Variants in C1QTNF3 observed in about 807,000 individuals in gnomAD.
C1QTNF3 encodes the protein C1q and TNF related 3.
Under a neutral mutation model 32.6 loss-of-function variants are expected in C1QTNF3, and 26 were observed. The observed-to-expected ratio is 0.80, with a 90% CI of 0.58 to 1.11. The LOEUF is 1.11. C1QTNF3 is among the 50% of genes least tolerant of loss of function. The pLI is 0.00. For synonymous variants in C1QTNF3, 155 were observed against 146.0 expected (o/e 1.06, Z -0.44); for missense variants, 362 against 398.2 (o/e 0.91, Z 0.77).
upstream of C1QTNF3, among the ~76,000 whole-genome samples, chr5:34,044,249 A>G (rs999811839): frequency 6.6e-6 from 1 of 152,244 alleles, no homozygotes; most frequent in Non-Finnish European, 1.5e-5. Flanking sequence ...TAATAAATTA[A>G]GAGAATTTAA....
the C1QTNF3 span, among the ~76,000 whole-genome samples, chr5:34,054,892 T>C: frequency 6.6e-6 from 1 of 152,172 alleles, no homozygotes; most frequent in African/African-American, 2.4e-5. Context: ...CACTACTCTC[T>C]GCCATATGTA....
At chr5:34,063,664 C>T in the C1QTNF3 span, among the ~76,000 whole-genome samples, 1,374 of 152,276 alleles carry the variant, frequency 9.0e-3, 17 homozygotes, top group African/African-American at 0.031. Context: ...ATGTTGAGAG[C>T]TGTATACCTA....
At chr5:34,046,930 C>T (rs1444881673), upstream of C1QTNF3, among the ~76,000 whole-genome samples, 2 of 152,152 alleles carry the variant, frequency 1.3e-5, no homozygotes, top group African/African-American at 4.8e-5. Context: ...CTTTTACTTC[C>T]CTCCAGTAAT....
the C1QTNF3 span, among the ~76,000 whole-genome samples, chr5:34,104,873 T>G: frequency 6.6e-6 from 1 of 152,094 alleles, no homozygotes; most frequent in Admixed American, 6.5e-5. Flanking sequence ...GATAACTTTT[T>G]TTTTTTAAGG....
upstream of C1QTNF3, among the ~76,000 whole-genome samples, chr5:34,046,619 T>C (rs910146274): frequency 2.6e-5 from 4 of 152,328 alleles, no homozygotes; most frequent in African/African-American, 9.6e-5. Flanking sequence ...TGCTAACACC[T>C]TGATCTCAGA....
At chr5:34,240,429 A>G in the C1QTNF3 span, among the ~76,000 whole-genome samples, 5 of 151,486 alleles carry the variant, frequency 3.3e-5, no homozygotes, top group East Asian at 9.7e-4. Context: ...TCAGAATGAC[A>G]AAAACGACAT....
At chr5:34,030,984 C>G (rs374999373) in intron 3 of C1QTNF3, among the ~76,000 whole-genome samples, 1 of 152,042 alleles carries the variant, frequency 6.6e-6, no homozygotes, top group African/African-American at 2.4e-5. Flanking sequence ...CCAATGGGTA[C>G]TAGGCTTAAT....
At chr5:34,202,773 A>G in the C1QTNF3 span, among the ~76,000 whole-genome samples, 7 of 152,188 alleles carry the variant, frequency 4.6e-5, no homozygotes, top group African/African-American at 1.7e-4. Context: ...TACTTTGGGA[A>G]GCATTGCAGG....
chr5:34,153,929 CTTGA>C, the C1QTNF3 span, among the ~76,000 whole-genome samples: 1 of 148,980 alleles, frequency 6.7e-6, no homozygotes, highest in Non-Finnish European at 1.5e-5. Flanking sequence ...TGTTAACTGA[CTTGA>C]TTGTTGTTAT....
the C1QTNF3 span, among the ~76,000 whole-genome samples, chr5:34,243,733 C>A: frequency 2.6e-5 from 4 of 151,640 alleles, no homozygotes; most frequent in African/African-American, 7.3e-5. Flanking sequence ...AGATACCACA[C>A]ATTCTCACTT....
intron 1 of C1QTNF3, among the ~76,000 whole-genome samples, chr5:34,036,423 TAC>T (rs1445197241): frequency 6.6e-6 from 1 of 152,216 alleles, no homozygotes; most frequent in African/African-American, 2.4e-5. Flanking sequence ...ATAAAATAAG[TAC>T]ACAGTGTAAA....
At chr5:34,047,979 G>C (rs1358104139), upstream of C1QTNF3, among the ~76,000 whole-genome samples, 1 of 152,102 alleles carries the variant, frequency 6.6e-6, no homozygotes, top group Non-Finnish European at 1.5e-5. Context: ...AGCTGGTCAG[G>C]ATGTTACAAT....
At chr5:34,177,732 C>A in the C1QTNF3 span, among the ~76,000 whole-genome samples, 1 of 151,684 alleles carries the variant, frequency 6.6e-6, no homozygotes, top group Non-Finnish European at 1.5e-5. Context: ...CGTGATCCAC[C>A]CACCTCAGCC....
At chr5:34,163,966 G>T in the C1QTNF3 span, among the ~76,000 whole-genome samples, 2 of 152,180 alleles carry the variant, frequency 1.3e-5, no homozygotes, top group Non-Finnish European at 2.9e-5. Flanking sequence ...TTTTAGGACA[G>T]ACAGTGGAAC....
chr5:34,055,574 G>A, the C1QTNF3 span, among the ~76,000 whole-genome samples: 1 of 152,212 alleles, frequency 6.6e-6, no homozygotes, highest in Non-Finnish European at 1.5e-5. Context: ...CTGCCTATGG[G>A]TTCAGGCATG....
chr5:34,119,295 TC>T, the C1QTNF3 span, among the ~76,000 whole-genome samples: 1 of 152,174 alleles, frequency 6.6e-6, no homozygotes, highest in African/African-American at 2.4e-5. Context: ...ATTAAAAGCT[TC>T]CCCAGTTTTC....
chr5:34,155,960 T>C, the C1QTNF3 span, among the ~76,000 whole-genome samples: 1 of 152,240 alleles, frequency 6.6e-6, no homozygotes, highest in Non-Finnish European at 1.5e-5. Context: ...CAATAGACTT[T>C]TAATTTCTCT....
chr5:34,170,489 T>C, the C1QTNF3 span, among the ~76,000 whole-genome samples: 2 of 152,136 alleles, frequency 1.3e-5, no homozygotes, highest in Admixed American at 6.6e-5. Flanking sequence ...GTCTTGGATA[T>C]GTTTATGTGA....
the C1QTNF3 span, among the ~76,000 whole-genome samples, chr5:34,083,751 C>T: frequency 6.6e-6 from 1 of 151,862 alleles, no homozygotes; most frequent in South Asian, 2.1e-4. Flanking sequence ...CAAACCTCTT[C>T]CATTTCCAAA....
Sources: gnomAD v4.1 joint callset for allele counts (sites outside exome capture counted in the v4.1 genomes callset) on GRCh38, gnomAD v4.1.1 for gene constraint, MANE v1.5 for transcripts, NCBI Gene and HGNC (gene_info 2026-07-23, HGNC 2026-07-21) for gene names.